The following MNAT1 variants were observed in gnomAD, a reference collection of about 807,000 sequenced individuals.
The protein encoded by MNAT1 is CDK-activating kinase assembly factor MAT1.
MNAT1 carries 43 observed loss-of-function variants against 42.0 expected under a neutral mutation model. The observed-to-expected ratio is 1.02, with a 90% CI of 0.80 to 1.32. The LOEUF is 1.32. Among genes scored for constraint, MNAT1 ranks in the 40% most tolerant of loss-of-function variants. The pLI, the probability that MNAT1 is intolerant of heterozygous loss-of-function variation, is 0.00. For missense variants in MNAT1, 306 were observed against 350.4 expected (o/e 0.87, Z 1.01); for synonymous variants, 118 against 120.0 (o/e 0.98, Z 0.11).
chr14:60,800,948 C>T (rs916279921), intron 3 of MNAT1, among the ~76,000 whole-genome samples: 17 of 151,868 alleles, frequency 1.1e-4, no homozygotes, highest in Admixed American at 4.6e-4. Flanking sequence ...TCAATAAGCT[C>T]AGACTCTAAA....
At chr14:60,918,529 T>A (rs184998548) in intron 7 of MNAT1, among the ~76,000 whole-genome samples, 46 of 151,912 alleles carry the variant, frequency 3.0e-4, no homozygotes, top group Admixed American at 6.6e-4. Context: ...TTTACATGAT[T>A]TTCTCCCTTC....
intron 1 of MNAT1, among the ~76,000 whole-genome samples, chr14:60,791,790 C>A (rs2031828006): frequency 6.6e-6 from 1 of 152,168 alleles, no homozygotes; most frequent in East Asian, 1.9e-4. Flanking sequence ...TTACAAATAT[C>A]TGGGCTTTAA....
chr14:60,967,224 AC>A, intron 7 of MNAT1, among the ~76,000 whole-genome samples: 1 of 152,330 alleles, frequency 6.6e-6, no homozygotes, highest in African/African-American at 2.4e-5. Flanking sequence ...TGAAAAACAG[AC>A]TTGTTATGTT....
intron 7 of MNAT1, among the ~76,000 whole-genome samples, chr14:60,931,405 G>A (rs1378968444): frequency 6.6e-6 from 1 of 152,124 alleles, no homozygotes; most frequent in Non-Finnish European, 1.5e-5. Flanking sequence ...AAAGGCCAGG[G>A]AGAGAAATAA....
intron 1 of MNAT1, among the ~76,000 whole-genome samples, chr14:60,741,231 T>C (rs926445400): frequency 3.9e-5 from 6 of 152,332 alleles, no homozygotes; most frequent in East Asian, 1.9e-4. Context: ...AAAAATTTTT[T>C]AACCCATGTA....
rs1594827766 is a variant in MNAT1 at position 60,880,279 on chromosome 14, T to C, written c.809+444T>C. ...CCATGAAATATATTTTGTTGAAAGG[T>C]ATAATGTAAGGCTGGCCCTGTGGTT... On this transcript the variant is annotated intron_variant, in intron 7 of 7. Transcript: ENST00000261245. Among the ~76,000 whole-genome samples, 2 of 152,230 alleles carry C rather than the reference T, an allele frequency of 1.3e-5. 1 individual carries two copies. The highest frequency in any genetic ancestry group is 3.9e-4 in the East Asian group (2 of 5,172).
At chr14:60,933,966 T>C (rs186652949) in intron 7 of MNAT1, among the ~76,000 whole-genome samples, 36 of 152,214 alleles carry the variant, frequency 2.4e-4, no homozygotes, top group African/African-American at 8.7e-4. Flanking sequence ...GAATGAGAAA[T>C]AAGGATTATA....
intron 1 of MNAT1, among the ~76,000 whole-genome samples, chr14:60,747,291 A>G (rs1371178047): frequency 6.6e-6 from 1 of 151,850 alleles, no homozygotes; most frequent in African/African-American, 2.4e-5. Context: ...GCCCAAAATT[A>G]TGTCTTAATG....
At chr14:60,887,025 G>A (rs912857466) in intron 7 of MNAT1, among the ~76,000 whole-genome samples, 4 of 151,994 alleles carry the variant, frequency 2.6e-5, no homozygotes, top group African/African-American at 9.7e-5. Context: ...TTTTGTTCAG[G>A]ACATTTTATT....
chr14:60,834,810 T>C lies in MNAT1; in HGVS notation c.687+15963T>C, dbSNP rs140822086. On this transcript the variant is annotated intron_variant, in intron 6 of 7. Coordinates refer to ENST00000261245, the MANE Select transcript of MNAT1 (RefSeq NM_002431.4). ...GTTTGTGTGGGAGTCTAAGTCTCTT[T>C]GTAGGTCTCTAAGAACTTGCTTTAT... Among the ~76,000 whole-genome samples, 791 of 152,310 alleles carry C rather than the reference T, an allele frequency of 5.2e-3. 14 individuals carry two copies. The highest frequency in any genetic ancestry group is 0.018 in the African/African-American group (742 of 41,570).
intron 6 of MNAT1, among the ~76,000 whole-genome samples, chr14:60,873,617 C>T (rs533121039): frequency 6.7e-6 from 1 of 148,566 alleles, no homozygotes; most frequent in Admixed American, 6.9e-5. Flanking sequence ...TACAGGTGAA[C>T]ACCACCATGC....
chr14:60,796,518 A>ATTTTTTTTT, intron 2 of MNAT1, 149 bp downstream of exon 2: 1 of 697,892 alleles, frequency 1.4e-6, no homozygotes, highest in African/African-American at 1.8e-5. Context: ...GAGTAATATT[A>ATTTTTTTTT]TTTATCTTTG....
rs35298974 is a variant in MNAT1 at position 60,738,080 on chromosome 14, C to CAA, written c.89+3145_89+3146dup. On this transcript the variant is annotated intron_variant, in intron 1 of 7. Coordinates refer to ENST00000261245, the MANE Select transcript of MNAT1 (RefSeq NM_002431.4). The stretch of plus-strand genomic sequence containing the variant: ...TAGCCAGGAGGGAAACCCTATCTTA[C>CAA]AAAAAAAAAAAAAAAAAGATCTTGT... Among the ~76,000 whole-genome samples the CAA allele has an allele frequency of 6.9e-5, 8 of 115,666 alleles. No homozygotes were observed. In the East Asian group the frequency reaches 1.8e-3, roughly 25 times the overall value. The allele number at this position is 115,666 out of a possible 152,430, so 75.9% of individuals were successfully genotyped here.
rs200309664 is a variant in MNAT1, at chr14:60,845,884, C to A, written c.687+27037C>A. 2.6e-5 allele frequency among the ~76,000 whole-genome samples: 4 copies of A among 151,788 alleles called. No homozygotes were observed. The East Asian group carries it at 5.8e-4, about 22-fold the overall frequency. ...ACTTTAGTATGAGGATAATATTGACCCCATAAAATGTTTTGGAAAATATTC... is the reference window on the plus strand; with the variant it reads ...ACTTTAGTATGAGGATAATATTGACACCATAAAATGTTTTGGAAAATATTC... On this transcript the variant is annotated intron_variant, in intron 6 of 7. Transcript: ENST00000261245.
chr14:60,913,673 A>C (rs538898591), intron 7 of MNAT1, among the ~76,000 whole-genome samples: 1 of 152,028 alleles, frequency 6.6e-6, no homozygotes, highest in Non-Finnish European at 1.5e-5. Context: ...CTGCTGCCTG[A>C]TCATTCCTCT....
chr14:60,919,058 C>T (rs1232374151), intron 7 of MNAT1, among the ~76,000 whole-genome samples: 2 of 151,866 alleles, frequency 1.3e-5, no homozygotes, highest in East Asian at 1.9e-4. Context: ...TGCTACACAC[C>T]GAGAGAGACA....
At chr14:60,803,875 C>CA (rs1288005950) in intron 3 of MNAT1, among the ~76,000 whole-genome samples, 1 of 152,092 alleles carries the variant, frequency 6.6e-6, no homozygotes, top group Non-Finnish European at 1.5e-5. Context: ...ATAGAAGGGG[C>CA]ACACATGAAG....
At chr14:60,856,926 G>A (rs1011833562) in intron 6 of MNAT1, among the ~76,000 whole-genome samples, 23 of 152,128 alleles carry the variant, frequency 1.5e-4, no homozygotes, top group Middle Eastern at 3.4e-3. Flanking sequence ...TGATCCGCCC[G>A]CCTCGGCCTC....
At chr14:60,895,417 A>G (rs901462121) in intron 7 of MNAT1, among the ~76,000 whole-genome samples, 1 of 152,188 alleles carries the variant, frequency 6.6e-6, no homozygotes, top group Non-Finnish European at 1.5e-5. Context: ...TAAAGCTGTA[A>G]TATTTTCACA....
Sources: gnomAD v4.1 joint callset for allele counts (sites outside exome capture counted in the v4.1 genomes callset) on GRCh38, gnomAD v4.1.1 for gene constraint, MANE v1.5 for transcripts, NCBI Gene and HGNC (gene_info 2026-07-23, HGNC 2026-07-21) for gene names.